Variants in RELN observed in about 807,000 individuals in gnomAD.
RELN encodes the protein reelin.
Under a neutral mutation model 427.6 loss-of-function variants are expected in RELN, and 108 were observed. That is an observed-to-expected ratio of 0.25 (90% CI 0.22 to 0.30). The LOEUF (loss-of-function observed/expected upper bound fraction) is 0.30. Ranked by LOEUF, RELN falls within the 10% of genes least tolerant of loss-of-function variation. The pLI is 1.00. For missense variants in RELN, 3,715 were observed against 4,302.8 expected (o/e 0.86, Z 3.82); for synonymous variants, 1,524 against 1,513.4 (o/e 1.01, Z -0.16).
At chr7:103,636,125 T>G in intron 18 of RELN, 110 bp downstream of exon 18, 2 of 826,184 alleles carry the variant, frequency 2.4e-6, no homozygotes, top group Non-Finnish European at 4.1e-6. Flanking sequence ...CAACCCTAGT[T>G]AAAAATGAGA....
chr7:103,508,192 G>A (rs1482354657), intron 51 of RELN, among the ~76,000 whole-genome samples: 2 of 152,158 alleles, frequency 1.3e-5, no homozygotes, highest in Non-Finnish European at 2.9e-5. Context: ...TATGAGGCCA[G>A]CATCATCCTG....
intron 8 of RELN, among the ~76,000 whole-genome samples, chr7:103,701,450 A>G (rs1834090158): frequency 6.6e-6 from 1 of 152,150 alleles, no homozygotes. Context: ...CTAAATGATG[A>G]GACAGTACAT....
chr7:103,961,670 C>G (rs1421888581), intron 1 of RELN, among the ~76,000 whole-genome samples: 3 of 152,294 alleles, frequency 2.0e-5, no homozygotes, highest in East Asian at 1.9e-4. Context: ...AAACCATCCT[C>G]GTGGGTCTGA....
intron 1 of RELN, among the ~76,000 whole-genome samples, chr7:103,974,105 T>C (rs1357221786): frequency 6.6e-6 from 1 of 152,188 alleles, no homozygotes; most frequent in African/African-American, 2.4e-5. Flanking sequence ...ACGGTGCCAC[T>C]GCACTCCAGC....
chr7:103,833,977 T>C (rs1489135774), intron 2 of RELN, among the ~76,000 whole-genome samples: 1 of 152,186 alleles, frequency 6.6e-6, no homozygotes, highest in Non-Finnish European at 1.5e-5. Context: ...TGAACAAGGT[T>C]AGATTTATTG....
chr7:103,492,180 T>C (rs1468712778), intron 57 of RELN, among the ~76,000 whole-genome samples, 154 bp from the exon 58 acceptor site: 2 of 152,186 alleles, frequency 1.3e-5, no homozygotes, highest in South Asian at 2.1e-4. Flanking sequence ...ATACATTCTT[T>C]TGGATTCTGT....
At chr7:103,693,452 T>A (rs948232624) in intron 10 of RELN, among the ~76,000 whole-genome samples, 4 of 151,724 alleles carry the variant, frequency 2.6e-5, no homozygotes, top group Non-Finnish European at 2.9e-5. Flanking sequence ...CCATGGCACA[T>A]GTATACTTAT....
chr7:103,603,569 C>T lies in RELN; in HGVS notation c.3147-79G>A. 2 of 1,092,056 alleles carry T rather than the reference C, an allele frequency of 1.8e-6. No individual in the cohort carries two copies. The highest frequency in any genetic ancestry group is 2.8e-6 in the Non-Finnish European group (2 of 707,136). 67.6% of individuals were successfully genotyped at this position (1,092,056 alleles called of 1,614,324 possible). A position where few individuals can be genotyped will look rare whatever the true frequency, so the allele number is the denominator to read the frequency against. ...TGGCCCTCTGACCTCAACCATTTCC[C>T]ATGTCTTACTTTTGCTCAGGTCTTA... On this transcript the variant is annotated intron_variant, in intron 23 of 64. Coordinates refer to ENST00000428762, the MANE Select transcript of RELN (RefSeq NM_005045.4). This position sits in a 1 kb window ranked among gnomAD's most constrained non-coding sequence, Gnocchi z 4.3.
At chr7:103,890,563 AT>A (rs67755028) in intron 2 of RELN, among the ~76,000 whole-genome samples, 40,084 of 151,718 alleles carry the variant, frequency 0.26, 5,931 homozygotes, top group African/African-American at 0.4. Context: ...CCCCCAAACC[AT>A]CCCCACCCCC....
intron 6 of RELN, among the ~76,000 whole-genome samples, chr7:103,735,273 G>A (rs2115976118): frequency 6.6e-6 from 1 of 152,080 alleles, no homozygotes; most frequent in East Asian, 1.9e-4. Context: ...TTATTCAGGT[G>A]GCTGTTTTTT....
chr7:103,687,566 T>C (rs1201897813), intron 10 of RELN, among the ~76,000 whole-genome samples: 2 of 152,134 alleles, frequency 1.3e-5, no homozygotes, highest in Admixed American at 1.3e-4. Flanking sequence ...CTGATTTTTT[T>C]CCCCATCTTC....
rs534275109 is a variant in RELN, at chr7:103,884,328, C to T, written c.337+32747G>A. ...ATGCAAGACCTGAAACCATAAAAAC[C>T]CTAGAAGAAAACTTAGGCAATACCA... On this transcript the variant is annotated intron_variant, in intron 2 of 64. Transcript: ENST00000428762. 3.5e-4 allele frequency among the ~76,000 whole-genome samples: 53 copies of T among 152,266 alleles called. No homozygotes were observed. In the South Asian group the frequency reaches 9.8e-3, roughly 28 times the overall value.
rs541382414 is a variant in RELN at position 103,799,918 on chromosome 7, C to A, written c.474-23291G>T. ...TGAAGGTTTAAAGAATCAACAAAAA[C>A]CACGTGATTATCTCAATAGATGCAG... On this transcript the variant is annotated intron_variant, in intron 3 of 64. Transcript: ENST00000428762. 1.8e-4 allele frequency among the ~76,000 whole-genome samples: 28 copies of A among 151,942 alleles called. No individual in the cohort carries two copies. The East Asian group carries it at 5.2e-3, about 28-fold the overall frequency.
chr7:103,696,077 G>T (rs1294162365), intron 10 of RELN, among the ~76,000 whole-genome samples: 1 of 152,008 alleles, frequency 6.6e-6, no homozygotes. Flanking sequence ...AGTTTTTCTG[G>T]TGCTCAACTC....
chr7:103,855,415 A>C (rs1028411640), intron 2 of RELN, among the ~76,000 whole-genome samples: 2 of 152,206 alleles, frequency 1.3e-5, no homozygotes, highest in African/African-American at 4.8e-5. Flanking sequence ...GTGTGTAAGA[A>C]AGTAAAATAG....
chr7:103,844,968 G>C (rs760349546), intron 2 of RELN, among the ~76,000 whole-genome samples: 3 of 152,132 alleles, frequency 2.0e-5, no homozygotes, highest in Non-Finnish European at 2.9e-5. Context: ...AAGAGGCAAT[G>C]ATAACCCTTG....
intron 2 of RELN, among the ~76,000 whole-genome samples, chr7:103,866,908 T>C (rs967305231): frequency 6.6e-6 from 1 of 152,100 alleles, no homozygotes; most frequent in Non-Finnish European, 1.5e-5. Flanking sequence ...AATTAGACAG[T>C]GCTTTGTTAA....
chr7:103,766,221 T>C, intron 4 of RELN, among the ~76,000 whole-genome samples: 1 of 152,176 alleles, frequency 6.6e-6, no homozygotes, highest in East Asian at 1.9e-4. Flanking sequence ...AGGGATGTCA[T>C]GAACAGGAGC....
chr7:103,590,825 G>T (rs1301361865), intron 27 of RELN, among the ~76,000 whole-genome samples: 1 of 152,048 alleles, frequency 6.6e-6, no homozygotes, highest in African/African-American at 2.4e-5. Context: ...ATCTTTATAG[G>T]GAAGCTATAT....
Sources: allele counts gnomAD v4.1 joint callset (sites outside exome capture counted in the v4.1 genomes callset), GRCh38; gene constraint gnomAD v4.1.1; non-coding constraint Gnocchi (gnomAD v3.1); transcripts MANE v1.5; gene names NCBI Gene and HGNC (gene_info 2026-07-23, HGNC 2026-07-21).